Variants in CNTN6 observed in about 807,000 individuals in gnomAD.
CNTN6 encodes the protein contactin 6, also known as contactin-6.
Under a neutral mutation model 122.8 loss-of-function variants are expected in CNTN6, and 137 were observed. The ratio of observed to expected loss-of-function variants is 1.12; its 90% CI spans 0.97 to 1.29. The LOEUF is 1.29. Among genes scored for constraint, CNTN6 ranks in the 50% most tolerant of loss-of-function variants. The probability of loss-of-function intolerance (pLI) is 0.00; values close to 1 mark genes in which losing one functional copy is unlikely to be tolerated. For missense variants in CNTN6, 1,634 were observed against 1,223.4 expected (o/e 1.34, Z -5.01); for synonymous variants, 570 against 426.0 (o/e 1.34, Z -4.16).
chr3:1,120,227 T>C (rs1392613743), intron 1 of CNTN6, among the ~76,000 whole-genome samples: 1 of 151,994 alleles, frequency 6.6e-6, no homozygotes, highest in Non-Finnish European at 1.5e-5. Flanking sequence ...TTGTCTTACA[T>C]TCTACTTTAG....
intron 2 of CNTN6, among the ~76,000 whole-genome samples, chr3:1,176,032 G>C (rs750150389): frequency 6.6e-6 from 1 of 152,150 alleles, no homozygotes; most frequent in Non-Finnish European, 1.5e-5. Context: ...ATTTTGATTT[G>C]AAAAGCTCTG....
intron 2 of CNTN6, among the ~76,000 whole-genome samples, chr3:1,187,276 C>A (rs1488115481): frequency 1.3e-5 from 2 of 148,370 alleles, no homozygotes; most frequent in East Asian, 2.0e-4. Context: ...TCCATACATA[C>A]TTTTTTTTTT....
intron 5 of CNTN6, among the ~76,000 whole-genome samples, chr3:1,278,718 T>C (rs1359367861): frequency 2.6e-5 from 4 of 152,216 alleles, no homozygotes; most frequent in African/African-American, 9.6e-5. Context: ...AATATGTTTT[T>C]AAGGAGATAC....
intron 1 of CNTN6, among the ~76,000 whole-genome samples, chr3:1,107,697 G>A (rs1185955255): frequency 6.6e-6 from 1 of 151,978 alleles, no homozygotes; most frequent in African/African-American, 2.4e-5. Context: ...CCTTTCAATT[G>A]CCTTTCAGCT....
Position 1,122,372 on chromosome 3 carries a change from A to G in CNTN6, c.-82-25555A>G, listed in dbSNP as rs114518797. On this transcript the variant is annotated intron_variant, in intron 1 of 22. Coordinates refer to ENST00000446702, the MANE Select transcript of CNTN6 (RefSeq NM_001289080.2). ...GGAAGGAGGGAAGGAGGAAGGAAGG[A>G]AGGAAGGGAGGAATGAAGGAGGAAA... 2.0e-3 allele frequency among the ~76,000 whole-genome samples: 262 copies of G among 128,416 alleles called. 2 individuals carry two copies. Among genetic ancestry groups the G allele is most frequent in the African/African-American group, 0.01 (216 of 20,632 alleles). 84.2% of individuals were successfully genotyped at this position (128,416 alleles called of 152,430 possible).
chr3:1,314,675 C>T (rs1198645254), intron 7 of CNTN6, among the ~76,000 whole-genome samples: 1 of 152,088 alleles, frequency 6.6e-6, no homozygotes, highest in Non-Finnish European at 1.5e-5. Context: ...ATAGGATGCT[C>T]CCTTTGTAAA....
At chr3:1,376,823 C>G (rs1709932876) in intron 16 of CNTN6, among the ~76,000 whole-genome samples, 182 bp from the exon 17 acceptor site, 1 of 152,124 alleles carries the variant, frequency 6.6e-6, no homozygotes. Flanking sequence ...TCAAACACAA[C>G]TGTGTCCTCT....
At chr3:1,258,303 A>G (rs570318857) in intron 4 of CNTN6, among the ~76,000 whole-genome samples, 5 of 152,268 alleles carry the variant, frequency 3.3e-5, no homozygotes, top group African/African-American at 9.6e-5. Context: ...ATTGAATGCA[A>G]TATCCAGATG....
chr3:1,280,266 C>A (rs1407964613), intron 5 of CNTN6, among the ~76,000 whole-genome samples: 1 of 152,020 alleles, frequency 6.6e-6, no homozygotes, highest in Non-Finnish European at 1.5e-5. Flanking sequence ...GACGCTTGTC[C>A]TTGTTACCTT....
In CNTN6 at chr3:1,148,115, ATTTC is replaced by A. The variant is rs775685153; in HGVS notation, c.55+58_55+61del. 1.2e-5 allele frequency: 16 copies of A among 1,371,318 alleles called. No individual in the cohort carries two copies. The African/African-American group carries it at 1.4e-4, about 12-fold the overall frequency. The allele number at this position is 1,371,318 out of a possible 1,614,324, so 84.9% of individuals were successfully genotyped here. A position where few individuals can be genotyped will look rare whatever the true frequency, so the allele number is the denominator to read the frequency against. On this transcript the variant is annotated intron_variant, in intron 2 of 22. Transcript: ENST00000446702. Reference sequence around the variant, plus strand: ...TGATTGATAAATATATTGGCATTGTATTTCTTTCTATGGGTGAAGCAATTTTCAA... The same window carrying A: ...TGATTGATAAATATATTGGCATTGTATTTCTATGGGTGAAGCAATTTTCAA...
chr3:1,162,519 T>G (rs1210985266), intron 2 of CNTN6, among the ~76,000 whole-genome samples: 3 of 152,218 alleles, frequency 2.0e-5, no homozygotes, highest in Admixed American at 6.5e-5. Flanking sequence ...AATTGCCAAT[T>G]GTCTTTTCCA....
At chr3:1,151,037 A>G (rs2092830700) in intron 2 of CNTN6, among the ~76,000 whole-genome samples, 1 of 152,166 alleles carries the variant, frequency 6.6e-6, no homozygotes, top group African/African-American at 2.4e-5. Context: ...CTGTGGACTG[A>G]GCATGGCTCT....
intron 10 of CNTN6, among the ~76,000 whole-genome samples, chr3:1,329,085 GTA>G (rs1701918475): frequency 6.6e-6 from 1 of 150,780 alleles, no homozygotes; most frequent in East Asian, 2.0e-4. Flanking sequence ...ACATATATAT[GTA>G]TATATGTGTA....
intron 11 of CNTN6, among the ~76,000 whole-genome samples, chr3:1,350,698 G>A (rs868147214): frequency 3.6e-4 from 54 of 151,808 alleles, no homozygotes; most frequent in Middle Eastern, 3.4e-3. Flanking sequence ...CATTGACTTA[G>A]TGGCTGGAAA....
chr3:1,139,196 C>A (rs1177144512), intron 1 of CNTN6, among the ~76,000 whole-genome samples: 1 of 152,112 alleles, frequency 6.6e-6, no homozygotes, highest in East Asian at 1.9e-4. Context: ...AGTGACCAGG[C>A]TGGAAGTATT....
intron 1 of CNTN6, among the ~76,000 whole-genome samples, chr3:1,114,826 G>GA (rs2091643234): frequency 6.6e-6 from 1 of 152,070 alleles, no homozygotes; most frequent in Non-Finnish European, 1.5e-5. Context: ...TGAAACATAG[G>GA]AGAAAAAAGT....
intron 19 of CNTN6, among the ~76,000 whole-genome samples, chr3:1,384,776 T>TATATACATATATATACAC: frequency 1.0e-5 from 1 of 96,680 alleles, no homozygotes; most frequent in South Asian, 2.9e-4. Flanking sequence ...TATACACATA[T>TATATACATATATATACAC]ATATATATAT....
chr3:1,300,158 T>G (rs1696953849), intron 7 of CNTN6, among the ~76,000 whole-genome samples: 1 of 151,926 alleles, frequency 6.6e-6, no homozygotes, highest in African/African-American at 2.4e-5. Flanking sequence ...AATTTTTTTT[T>G]GGTATTTTTA....
chr3:1,328,680 G>C (rs1553685992), intron 10 of CNTN6, among the ~76,000 whole-genome samples: 1 of 151,724 alleles, frequency 6.6e-6, no homozygotes, highest in Non-Finnish European at 1.5e-5. Flanking sequence ...TTTAATCTAA[G>C]ATCAGAAGTA....
Sources: gnomAD v4.1 joint callset for allele counts (sites outside exome capture counted in the v4.1 genomes callset) on GRCh38, gnomAD v4.1.1 for gene constraint, MANE v1.5 for transcripts, NCBI Gene and HGNC (gene_info 2026-07-23, HGNC 2026-07-21) for gene names.